Variants in ATR observed in about 807,000 individuals in gnomAD.
The protein encoded by ATR is ATR checkpoint kinase.
Under a neutral mutation model 305.3 loss-of-function variants are expected in ATR, and 142 were observed. The ratio of observed to expected loss-of-function variants is 0.47; its 90% CI spans 0.41 to 0.53. The LOEUF (loss-of-function observed/expected upper bound fraction) is 0.53, where lower values mean the gene tolerates loss of function less well. ATR is among the 20% of genes least tolerant of loss of function. The pLI is 0.00. For synonymous variants in ATR, 1,050 were observed against 1,068.1 expected (o/e 0.98, Z 0.33); for missense variants, 2,135 against 3,133.1 (o/e 0.68, Z 7.60).
intron 1 of ATR, among the ~76,000 whole-genome samples, chr3:142,574,891 C>T (rs185984994): frequency 2.3e-4 from 35 of 152,236 alleles, no homozygotes; most frequent in Middle Eastern, 3.4e-3. Context: ...GTAAGAGGCT[C>T]TATGTGGCTA....
intron 34 of ATR, among the ~76,000 whole-genome samples, chr3:142,493,809 A>G (rs866601173): frequency 1.3e-5 from 2 of 152,018 alleles, no homozygotes; most frequent in Admixed American, 6.6e-5. Context: ...TCGCAGTTAC[A>G]GTGAGCTATG....
intron 30 of ATR, among the ~76,000 whole-genome samples, chr3:142,503,109 T>G (rs2032062229): frequency 6.6e-6 from 1 of 152,148 alleles, no homozygotes; most frequent in Non-Finnish European, 1.5e-5. Context: ...GCCTCACCAA[T>G]AGCCAGTGGG....
At chr3:142,451,921 A>G in intron 46 of ATR, 1 of 1,278,038 alleles carries the variant, frequency 7.8e-7, no homozygotes, top group South Asian at 1.3e-5. Flanking sequence ...CCCTCAGTAA[A>G]AGGTATCCAG....
At chr3:142,467,622 A>G (rs1044149657) in intron 39 of ATR, among the ~76,000 whole-genome samples, 1 of 152,156 alleles carries the variant, frequency 6.6e-6, no homozygotes, top group Non-Finnish European at 1.5e-5. Context: ...TTACATACTT[A>G]TATTTTTATG....
intron 6 of ATR, among the ~76,000 whole-genome samples, chr3:142,559,797 T>C (rs1413397458): frequency 4.6e-5 from 7 of 152,292 alleles, no homozygotes; most frequent in Admixed American, 3.9e-4. Flanking sequence ...TCCAGCTACA[T>C]GGGAGGCTCA....
At position 142,467,838 on chromosome 3, in the gene ATR, A is replaced by G. The variant is rs2071165693; in HGVS notation, c.6687+96T>C. The G allele has an allele frequency of 2.1e-6, 3 of 1,425,848 alleles. No individual in the cohort carries two copies. In the African/African-American group the frequency reaches 4.3e-5, roughly 21 times the overall value. The allele number at this position is 1,425,848 out of a possible 1,614,324, so 88.3% of individuals were successfully genotyped here. A position where few individuals can be genotyped will look rare whatever the true frequency, so the allele number is the denominator to read the frequency against. On this transcript the variant is annotated intron_variant, in intron 39 of 46. Coordinates refer to ENST00000350721, the MANE Select transcript of ATR (RefSeq NM_001184.4). The stretch of plus-strand genomic sequence containing the variant: ...TTGATATATGTGTACACCTATAGTT[A>G]GAATTTTAATTTAATTAATCAAATG...
Position 142,536,049 on chromosome 3 carries a change from G to A in ATR, c.3819+59C>T, listed in dbSNP as rs1577654143. On this transcript the variant is annotated intron_variant, in intron 20 of 46. Coordinates refer to ENST00000350721, the MANE Select transcript of ATR (RefSeq NM_001184.4). Reference sequence around the variant, plus strand: ...TAAAGGATCTTTATTTCATGTATTGGAACTTGGGAACAATTCTGTATTAAT... The same window carrying A: ...TAAAGGATCTTTATTTCATGTATTGAAACTTGGGAACAATTCTGTATTAAT... 3.4e-6 allele frequency: 4 copies of A among 1,190,200 alleles called. No individual in the cohort carries two copies. The East Asian group carries it at 9.4e-5, about 28-fold the overall frequency. The allele number at this position is 1,190,200 out of a possible 1,614,324, so 73.7% of individuals were successfully genotyped here.
chr3:142,498,021 C>T (rs557391433), intron 32 of ATR, among the ~76,000 whole-genome samples: 1 of 152,056 alleles, frequency 6.6e-6, no homozygotes, highest in Non-Finnish European at 1.5e-5. Context: ...TAAGATATCA[C>T]CAAACGGGTT....
At chr3:142,542,006 T>A (rs942769886) in intron 17 of ATR, among the ~76,000 whole-genome samples, 10 of 152,188 alleles carry the variant, frequency 6.6e-5, no homozygotes, top group Non-Finnish European at 1.3e-4. Flanking sequence ...TTTATCAATA[T>A]CTAAAATTTT....
intron 46 of ATR, 79 bp from the exon 47 acceptor site, chr3:142,449,681 A>T: frequency 7.2e-7 from 1 of 1,397,542 alleles, no homozygotes; most frequent in Non-Finnish European, 1.0e-6. Context: ...TTGACATTTA[A>T]TAAATGTTAA....
At chr3:142,519,003 G>A (rs1236176788) in intron 24 of ATR, among the ~76,000 whole-genome samples, 1 of 151,922 alleles carries the variant, frequency 6.6e-6, no homozygotes, top group Admixed American at 6.6e-5. Context: ...CCTACTAAAG[G>A]CTTTCTGACT....
At chr3:142,542,351 A>C (rs894320584) in intron 17 of ATR, among the ~76,000 whole-genome samples, 3 of 152,198 alleles carry the variant, frequency 2.0e-5, no homozygotes, top group Non-Finnish European at 4.4e-5. Flanking sequence ...CTGAGCCAAA[A>C]GACTGACTCT....
intron 23 of ATR, 120 bp from the exon 24 acceptor site, chr3:142,519,904 G>A (rs992218005): frequency 3.1e-5 from 25 of 808,196 alleles, no homozygotes; most frequent in African/African-American, 2.4e-4. Flanking sequence ...ATTGCACTTC[G>A]CTTTATTTAT....
chr3:142,560,782 G>A (rs774681584), intron 5 of ATR, among the ~76,000 whole-genome samples: 1 of 152,036 alleles, frequency 6.6e-6, no homozygotes, highest in African/African-American at 2.4e-5. Flanking sequence ...GGATGATCTC[G>A]ATCTTCTGAC....
chr3:142,502,792 G>A lies in ATR; in HGVS notation c.5288+570C>T, dbSNP rs988403604. ...AGGAATACAGCTGTCAGCTCTCACA[G>A]CAAAGCAGCTTCAAGAGCAGTGCTA... On this transcript the variant is annotated intron_variant, in intron 30 of 46. Coordinates refer to ENST00000350721, the MANE Select transcript of ATR (RefSeq NM_001184.4). Among the ~76,000 whole-genome samples, 48 of 152,304 alleles carry A rather than the reference G, an allele frequency of 3.2e-4. 1 individual carries two copies. Among genetic ancestry groups the A allele is most frequent in the Middle Eastern group, 3.4e-3 (1 of 294 alleles).
chr3:142,499,044 GT>G lies in ATR; in HGVS notation c.5381-271del, dbSNP rs1407843926. ...GGCATGAGCCACCATGCCCAGCTAAGTTTTTTAAAAAACATTTTTGCAGAGA... is the reference window on the plus strand; with the variant it reads ...GGCATGAGCCACCATGCCCAGCTAAGTTTTTAAAAAACATTTTTGCAGAGA... On this transcript the variant is annotated intron_variant, in intron 31 of 46. Coordinates refer to ENST00000350721, the MANE Select transcript of ATR (RefSeq NM_001184.4). 2.0e-4 allele frequency: 94 copies of G among 472,580 alleles called. No individual in the cohort carries two copies. The East Asian group carries it at 3.6e-3, about 18-fold the overall frequency. 29.3% of individuals were successfully genotyped at this position (472,580 alleles called of 1,614,324 possible).
chr3:142,482,269 G>A (rs1482747951), intron 36 of ATR, among the ~76,000 whole-genome samples: 2 of 152,012 alleles, frequency 1.3e-5, no homozygotes, highest in African/African-American at 2.4e-5. Flanking sequence ...ATTCAGTCAG[G>A]GGATAAATAT....
intron 1 of ATR, among the ~76,000 whole-genome samples, chr3:142,576,598 TA>T (rs1480876999): frequency 7.2e-5 from 11 of 152,152 alleles, no homozygotes; most frequent in Non-Finnish European, 1.5e-4. Context: ...TTTTTTAATT[TA>T]AAAAAAGAAA....
chr3:142,547,764 T>A lies in ATR; in HGVS notation c.3318A>T (p.Pro1106=). Residue 1106 remains proline (P), a synonymous_variant, in exon 16 of 47, where the codon CCA becomes CCT. Transcript: ENST00000350721. ...ILASFASSDD[P]YQGPRDIISP... is the part of the protein sequence containing the mutation. ...ATATGATATCTCTCGGGCCCTGATA[T>A]GGATCATCACTGGATGCAAATGAGG... 1 of 1,613,994 alleles carries A rather than the reference T, an allele frequency of 6.2e-7. No individual in the cohort carries two copies.
Sources: gnomAD v4.1 joint callset for allele counts (sites outside exome capture counted in the v4.1 genomes callset) on GRCh38, gnomAD v4.1.1 for gene constraint, MANE v1.5 for transcripts, NCBI Gene and HGNC (gene_info 2026-07-23, HGNC 2026-07-21) for gene names.